NELL2: variants seen among roughly 807,000 people sequenced by gnomAD.
The protein encoded by NELL2 is protein kinase C-binding protein NELL2.
A neutral mutation model predicts 109.6 loss-of-function variants in NELL2; 41 were observed. That is an observed-to-expected ratio of 0.37 (90% CI 0.29 to 0.49). NELL2 has a LOEUF of 0.49. NELL2 is among the 20% of genes least tolerant of loss of function. The pLI, the probability that NELL2 is intolerant of heterozygous loss-of-function variation, is 0.98. For missense variants in NELL2, 900 were observed against 1,008.3 expected (o/e 0.89, Z 1.45); for synonymous variants, 355 against 344.7 (o/e 1.03, Z -0.33).
At chr12:44,877,179 AC>A (rs1472465568), upstream of NELL2, 2 of 152,666 alleles carry the variant, frequency 1.3e-5, no homozygotes, top group Admixed American at 6.5e-5. Flanking sequence ...ATAAATAAAT[AC>A]GTAAATAAGC....
chr12:44,694,520 AAC>A (rs60024794), intron 12 of NELL2, among the ~76,000 whole-genome samples: 2,640 of 144,222 alleles, frequency 0.018, 30 homozygotes, highest in Non-Finnish European at 0.025. Flanking sequence ...CACACATACA[AAC>A]ACACACACAC....
intron 15 of NELL2, among the ~76,000 whole-genome samples, chr12:44,564,430 T>C (rs747395442): frequency 1.3e-5 from 2 of 152,202 alleles, no homozygotes; most frequent in Non-Finnish European, 2.9e-5. Context: ...ACTATTTCTG[T>C]TTTCAGTATT....
chr12:44,532,218 T>C (rs1267421735), intron 16 of NELL2, among the ~76,000 whole-genome samples: 2 of 152,112 alleles, frequency 1.3e-5, no homozygotes, highest in Non-Finnish European at 2.9e-5. Flanking sequence ...TCTATCCCCA[T>C]TTTCCCTCTA....
intron 15 of NELL2, among the ~76,000 whole-genome samples, chr12:44,549,851 T>C (rs1010968990): frequency 1.3e-5 from 2 of 152,262 alleles, no homozygotes; most frequent in Non-Finnish European, 2.9e-5. Flanking sequence ...TGTATTCCTA[T>C]CAAAACTCCA....
At chr12:44,644,608 G>GTATATATATATATATATACATACA (rs1947008713) in intron 13 of NELL2, among the ~76,000 whole-genome samples, 1 of 90,828 alleles carries the variant, frequency 1.1e-5, no homozygotes, top group Non-Finnish European at 2.0e-5. Flanking sequence ...ATATATGTAT[G>GTATATATATATATATATACATACA]TATATATATA....
intron 2 of NELL2, among the ~76,000 whole-genome samples, chr12:44,835,999 T>C (rs1193903242): frequency 6.6e-6 from 1 of 152,146 alleles, no homozygotes; most frequent in African/African-American, 2.4e-5. Flanking sequence ...TATACACTGC[T>C]AGGGCATAAG....
At chr12:44,684,082 G>C (rs1414914072) in intron 12 of NELL2, among the ~76,000 whole-genome samples, 1 of 152,176 alleles carries the variant, frequency 6.6e-6, no homozygotes, top group East Asian at 1.9e-4. Flanking sequence ...ATTGATTATT[G>C]CCACAATTTC....
intron 13 of NELL2, among the ~76,000 whole-genome samples, chr12:44,660,821 ACT>A (rs1947715371): frequency 2.0e-5 from 3 of 152,174 alleles, no homozygotes; most frequent in African/African-American, 7.2e-5. Flanking sequence ...TCAGATCTTT[ACT>A]CAAAATTCTT....
At chr12:44,739,234 T>C (rs548735876) in intron 9 of NELL2, among the ~76,000 whole-genome samples, 1 of 152,240 alleles carries the variant, frequency 6.6e-6, no homozygotes, top group Admixed American at 6.5e-5. Context: ...TATGTATCCT[T>C]TACCACCAAA....
At chr12:44,802,627 T>C (rs2136656331) in intron 3 of NELL2, among the ~76,000 whole-genome samples, 1 of 152,154 alleles carries the variant, frequency 6.6e-6, no homozygotes, top group South Asian at 2.1e-4. Context: ...TAAGAAAAAA[T>C]ATAGCATTTA....
chr12:44,518,245 C>T (rs1329410952), intron 19 of NELL2, among the ~76,000 whole-genome samples: 1 of 143,276 alleles, frequency 7.0e-6, no homozygotes, highest in African/African-American at 2.5e-5. Context: ...CATTCAAATA[C>T]TTTTTTTTTT....
At chr12:44,667,340 T>C (rs1424599519) in intron 12 of NELL2, among the ~76,000 whole-genome samples, 1 of 152,220 alleles carries the variant, frequency 6.6e-6, no homozygotes, top group Non-Finnish European at 1.5e-5. Flanking sequence ...AAAAAAATCT[T>C]CTCCATGATG....
At chr12:44,629,177 G>C (rs1452886) in intron 13 of NELL2, among the ~76,000 whole-genome samples, 26,349 of 152,062 alleles carry the variant, frequency 0.17, 3,563 homozygotes, top group African/African-American at 0.37. Flanking sequence ...TCACACTGAA[G>C]CATGAAAGGG....
intron 9 of NELL2, among the ~76,000 whole-genome samples, chr12:44,740,551 G>A (rs1376287015): frequency 6.6e-6 from 1 of 152,050 alleles, no homozygotes; most frequent in African/African-American, 2.4e-5. Context: ...AAACTGTACG[G>A]CATGCTTTTG....
At chr12:44,685,188 T>G (rs188597094) in intron 12 of NELL2, among the ~76,000 whole-genome samples, 2 of 152,266 alleles carry the variant, frequency 1.3e-5, no homozygotes, top group East Asian at 3.9e-4. Context: ...TTGTCTCTTT[T>G]GATCTTTGTT....
At chr12:44,547,504 G>A (rs7964112) in intron 15 of NELL2, among the ~76,000 whole-genome samples, 15,720 of 152,162 alleles carry the variant, frequency 0.1, 2,736 homozygotes, top group African/African-American at 0.36. Flanking sequence ...GAATAAGATA[G>A]CAGTTATCTT....
chr12:44,692,915 G>T (rs545130763), intron 12 of NELL2, among the ~76,000 whole-genome samples: 101 of 152,268 alleles, frequency 6.6e-4, no homozygotes, highest in South Asian at 2.9e-3. Context: ...TGGTAAAGAT[G>T]CTATGAGCAT....
At chr12:44,916,072 A>G (rs1020820707), upstream of NELL2, among the ~76,000 whole-genome samples, 2 of 152,236 alleles carry the variant, frequency 1.3e-5, no homozygotes, top group African/African-American at 2.4e-5. Flanking sequence ...TGCATTATAT[A>G]TTTCAAGGAT....
At chr12:44,606,300 T>C (rs902703025) in intron 15 of NELL2, among the ~76,000 whole-genome samples, 3 of 152,162 alleles carry the variant, frequency 2.0e-5, no homozygotes, top group Non-Finnish European at 1.5e-5. Context: ...ACTAGATGAC[T>C]CTGCAAGTGG....
Sources: gnomAD v4.1 joint callset for allele counts (sites outside exome capture counted in the v4.1 genomes callset) on GRCh38, gnomAD v4.1.1 for gene constraint, MANE v1.5 for transcripts, NCBI Gene and HGNC (gene_info 2026-07-23, HGNC 2026-07-21) for gene names.